The following FAM24B variants were observed in gnomAD, a reference collection of about 807,000 sequenced individuals.
The protein encoded by FAM24B is family with sequence similarity 24 member B, also known as protein FAM24B.
In FAM24B, 3 loss-of-function variants were observed where a neutral mutation model predicts 2.3. The ratio of observed to expected loss-of-function variants is 1.29; its 90% CI spans 0.59 to 3.32. The LOEUF (loss-of-function observed/expected upper bound fraction) is 3.32, where lower values mean the gene tolerates loss of function less well. Among genes scored for constraint, FAM24B ranks in the 30% most tolerant of loss-of-function variants. The probability of loss-of-function intolerance (pLI) is 0.03; values close to 1 mark genes in which losing one functional copy is unlikely to be tolerated. For missense variants in FAM24B, 98 were observed against 117.2 expected, an observed-to-expected ratio of 0.84 and a Z score of 0.76; for synonymous variants, 36 against 46.3, an observed-to-expected ratio of 0.78 and a Z score of 0.90.
chr10:122,874,694 T>C (rs552547590), intron 1 of FAM24B, among the ~76,000 whole-genome samples: 1 of 152,200 alleles, frequency 6.6e-6, no homozygotes, highest in Non-Finnish European at 1.5e-5. Flanking sequence ...CCATCTTGAA[T>C]ATAATATGCC....
At chr10:122,850,210 C>T (rs1004880344) in intron 3 of FAM24B, among the ~76,000 whole-genome samples, 1 of 152,042 alleles carries the variant, frequency 6.6e-6, no homozygotes, top group Non-Finnish European at 1.5e-5. Context: ...TCTACCAACC[C>T]CAGCCAGGAA....
At chr10:122,869,811 A>T (rs1847862787) in intron 1 of FAM24B, among the ~76,000 whole-genome samples, 1 of 152,194 alleles carries the variant, frequency 6.6e-6, no homozygotes. Context: ...TTATAGCACT[A>T]AATGCCCACA....
intron 2 of FAM24B, among the ~76,000 whole-genome samples, chr10:122,851,194 G>A (rs1157708623): frequency 6.6e-6 from 1 of 152,118 alleles, no homozygotes; most frequent in African/African-American, 2.4e-5. Context: ...AGTCAGGGGA[G>A]AAGAATAAAC....
At chr10:122,870,600 G>C (rs1341739762) in intron 1 of FAM24B, among the ~76,000 whole-genome samples, 1 of 152,114 alleles carries the variant, frequency 6.6e-6, no homozygotes, top group Non-Finnish European at 1.5e-5. Flanking sequence ...GATCCAGTGG[G>C]CTTCATCCCT....
chr10:122,862,065 C>T (rs1847732241), intron 1 of FAM24B, among the ~76,000 whole-genome samples: 1 of 152,204 alleles, frequency 6.6e-6, no homozygotes, highest in Admixed American at 6.5e-5. Flanking sequence ...CAGTTGCTTC[C>T]TGCCTCAAGG....
chr10:122,877,906 A>C (rs1848002235), intron 1 of FAM24B, among the ~76,000 whole-genome samples: 1 of 152,254 alleles, frequency 6.6e-6, no homozygotes, highest in Admixed American at 6.5e-5. Flanking sequence ...TATCAATTCC[A>C]TACAACAAAC....
At chr10:122,874,065 A>C (rs916475333) in intron 1 of FAM24B, among the ~76,000 whole-genome samples, 1 of 152,140 alleles carries the variant, frequency 6.6e-6, no homozygotes, top group Non-Finnish European at 1.5e-5. Flanking sequence ...ATGTTCTAGG[A>C]GTGTTTCAGA....
intron 1 of FAM24B, among the ~76,000 whole-genome samples, chr10:122,865,633 A>C (rs1459059885): frequency 6.6e-6 from 1 of 152,158 alleles, no homozygotes; most frequent in Non-Finnish European, 1.5e-5. Context: ...GGCCTCATAT[A>C]ATGAATTAGG....
chr10:122,849,824 T>C (rs113107630), intron 3 of FAM24B, among the ~76,000 whole-genome samples: 1 of 152,078 alleles, frequency 6.6e-6, no homozygotes, highest in African/African-American at 2.4e-5. Context: ...TCTCTGGTAC[T>C]TAAAGGGTCT....
At chr10:122,850,684 C>G in intron 2 of FAM24B, 134 bp from the exon 3 acceptor site, 1 of 556,844 alleles carries the variant, frequency 1.8e-6, no homozygotes, top group Non-Finnish European at 3.2e-6. Flanking sequence ...ACACAAATGT[C>G]TTCCCAGGGC....
At chr10:122,878,656 A>G (rs1043493287) in intron 1 of FAM24B, among the ~76,000 whole-genome samples, 3 of 152,098 alleles carry the variant, frequency 2.0e-5, no homozygotes, top group African/African-American at 4.8e-5. Flanking sequence ...ATGACTATCA[A>G]CCAGTAAAGA....
At chr10:122,867,940 A>T (rs1847827129) in intron 1 of FAM24B, among the ~76,000 whole-genome samples, 1 of 152,240 alleles carries the variant, frequency 6.6e-6, no homozygotes, top group Admixed American at 6.5e-5. Flanking sequence ...AGCTGGATGG[A>T]GAATGACTTT....
intron 1 of FAM24B, among the ~76,000 whole-genome samples, chr10:122,877,641 C>T (rs913126780): frequency 1.3e-5 from 2 of 152,108 alleles, no homozygotes; most frequent in Non-Finnish European, 2.9e-5. Context: ...TCCTGCCAGC[C>T]TGATGCAAAA....
At chr10:122,871,723 T>C (rs986630598) in intron 1 of FAM24B, among the ~76,000 whole-genome samples, 1 of 152,114 alleles carries the variant, frequency 6.6e-6, no homozygotes, top group Admixed American at 6.5e-5. Flanking sequence ...CTGGGAAAAC[T>C]GGCTAGCCAT....
intron 1 of FAM24B, among the ~76,000 whole-genome samples, chr10:122,875,431 A>G (rs546493782): frequency 1.3e-5 from 2 of 152,304 alleles, no homozygotes; most frequent in South Asian, 4.1e-4. Flanking sequence ...AATGGTTCTG[A>G]TATTTCCTTT....
In FAM24B at chr10:122,850,503, C is replaced by A; in HGVS notation, c.13G>T (p.Ala5Ser). The change falls in exon 3 of 4, where the codon GCT becomes TCT. Residue 5 changes from alanine to serine, a missense_variant. Transcript: ENST00000368898. ...AGCAAGGCCGCCAGGATACCACCAG[C>A]GATGACAGGCATAATCACTGTATGG... MPVIAGGILAALLLL... is the reference protein window; with the variant it reads MPVISGGILAALLLL... 1.2e-6 allele frequency: 2 copies of A among 1,613,138 alleles called. No homozygotes were observed.
At chr10:122,877,749 C>T (rs1197756373) in intron 1 of FAM24B, among the ~76,000 whole-genome samples, 1 of 152,186 alleles carries the variant, frequency 6.6e-6, no homozygotes, top group Admixed American at 6.5e-5. Context: ...GATGGATTAG[C>T]TCAGATCTCT....
At chr10:122,849,508 G>A in intron 3 of FAM24B, 69 bp from the exon 4 acceptor site, 1 of 1,427,092 alleles carries the variant, frequency 7.0e-7, no homozygotes, top group East Asian at 2.4e-5. Flanking sequence ...TAGAACTGTT[G>A]GGGGGTATCT....
At chr10:122,868,877 A>G (rs1847846236) in intron 1 of FAM24B, among the ~76,000 whole-genome samples, 1 of 152,232 alleles carries the variant, frequency 6.6e-6, no homozygotes, top group Non-Finnish European at 1.5e-5. Context: ...TGCATCAACT[A>G]TCGAGCAAAA....
Sources: allele counts gnomAD v4.1 joint callset (sites outside exome capture counted in the v4.1 genomes callset), GRCh38; gene constraint gnomAD v4.1.1; transcripts MANE v1.5; gene names NCBI Gene and HGNC (gene_info 2026-07-23, HGNC 2026-07-21).